Variants in STRA6 observed in about 807,000 individuals in gnomAD.
The protein encoded by STRA6 is receptor for retinol uptake STRA6.
In STRA6, 48 loss-of-function variants were observed where a neutral mutation model predicts 83.6. The ratio of observed to expected loss-of-function variants is 0.57; its 90% CI spans 0.46 to 0.73. The LOEUF is 0.73. Among genes scored for constraint, STRA6 ranks in the 30% least tolerant of loss-of-function variants. STRA6 has a pLI of 0.00. For missense variants in STRA6, 760 were observed against 838.8 expected, an observed-to-expected ratio of 0.91 and a Z score of 1.16; for synonymous variants, 353 against 362.3, an observed-to-expected ratio of 0.97 and a Z score of 0.29.
chr15:74,192,751 A>T (rs1355238873), intron 8 of STRA6, among the ~76,000 whole-genome samples: 1 of 152,168 alleles, frequency 6.6e-6, no homozygotes. Context: ...TCTATGTCTT[A>T]AGACTTTCTC....
At position 74,202,718 on chromosome 15, in the gene STRA6, G is replaced by A. The variant is rs1003009992; in HGVS notation, c.-21C>T. 2 of 1,256,812 alleles carry A rather than the reference G, an allele frequency of 1.6e-6. No individual in the cohort carries two copies. Among genetic ancestry groups the A allele is most frequent in the Admixed American group, 3.9e-5 (1 of 25,892 alleles). The allele number at this position is 1,256,812 out of a possible 1,614,324, so 77.9% of individuals were successfully genotyped here. On this transcript the variant is annotated 5_prime_UTR_variant, in exon 1 of 19. Coordinates refer to ENST00000395105, the MANE Select transcript of STRA6 (RefSeq NM_022369.4). ...AGACAGACCCACAGACACACCAGAA[G>A]GGAGGCCCAGGGAGGAAGGAGTTGC...
intron 2 of STRA6, among the ~76,000 whole-genome samples, chr15:74,199,481 C>G (rs942903510): frequency 6.6e-6 from 1 of 152,184 alleles, no homozygotes; most frequent in African/African-American, 2.4e-5. Flanking sequence ...AGCCCTCCCT[C>G]TCAGCCGGCA....
chr15:74,197,866 G>C, intron 2 of STRA6, 48 bp from the exon 3 acceptor site: 1 of 1,599,104 alleles, frequency 6.3e-7, no homozygotes, highest in South Asian at 1.1e-5. Flanking sequence ...GGCCCCCCTG[G>C]GTGTGCAGAT....
In STRA6 at chr15:74,180,909, C is replaced by G; in HGVS notation, c.1713G>C (p.Lys571Asn). The change falls in exon 18 of 19, where the codon AAG becomes AAC. Residue 571 changes from lysine (K) to asparagine (N), a missense_variant. Physicochemically the swap from Lys to Asn is moderately conservative, Grantham distance 94 (BLOSUM62 0). Coordinates refer to ENST00000395105, the MANE Select transcript of STRA6 (RefSeq NM_022369.4). ...PGYYTYRNFL[K>N]IEVSQSHPAM... The stretch of plus-strand genomic sequence containing the variant: ...CTGGATGCGACTGGCTGACTTCAAT[C>G]TTCAAGAAGTTTCGGTACGTGTAGT... 1.9e-6 allele frequency: 3 copies of G among 1,614,032 alleles called. No homozygotes were observed. Among genetic ancestry groups the G allele is most frequent in the Non-Finnish European group, 2.5e-6 (3 of 1,179,996 alleles).
chr15:74,208,847 T>TA, exon 1 of STRA6: 1 of 988,760 alleles, frequency 1.0e-6, no homozygotes, highest in Non-Finnish European at 1.2e-6. Flanking sequence ...TCTCTTTCCT[T>TA]TCCTTTATTG....
Position 74,193,786 on chromosome 15 carries a change from G to A in STRA6, c.720+14C>T, listed in dbSNP as rs1340377636. On this transcript the variant is annotated intron_variant, in intron 8 of 18. Transcript: ENST00000395105. ...GGTGCTGAGGAAGAGCTCATCCCAGGCCTGCCCCTTTACCTTGGAGCCTGC... is the reference window on the plus strand; with the variant it reads ...GGTGCTGAGGAAGAGCTCATCCCAGACCTGCCCCTTTACCTTGGAGCCTGC... 1 of 1,613,146 alleles carries A rather than the reference G, an allele frequency of 6.2e-7. No homozygotes were observed. Among genetic ancestry groups the A allele is most frequent in the Non-Finnish European group, 8.5e-7 (1 of 1,179,372 alleles).
chr15:74,191,104 C>T (rs771810682), intron 10 of STRA6, 63 bp downstream of exon 10: 1 of 1,596,712 alleles, frequency 6.3e-7, no homozygotes. Flanking sequence ...TCCACTGCAG[C>T]CATTCTGTGC....
chr15:74,204,647 C>T (rs571192007), upstream of STRA6, among the ~76,000 whole-genome samples: 57 of 152,304 alleles, frequency 3.7e-4, no homozygotes, highest in African/African-American at 1.4e-3. Context: ...AAACCATGCC[C>T]TTTGGCCAGG....
At chr15:74,206,330 C>G (rs1276208897), upstream of STRA6, among the ~76,000 whole-genome samples, 2 of 152,200 alleles carry the variant, frequency 1.3e-5, no homozygotes, top group Non-Finnish European at 2.9e-5. Flanking sequence ...GAGCCCACTT[C>G]TTGAGCCCAA....
chr15:74,195,821 T>C, intron 5 of STRA6, 146 bp from the exon 6 acceptor site: 2 of 970,572 alleles, frequency 2.1e-6, no homozygotes, highest in Non-Finnish European at 3.1e-6. Flanking sequence ...ATGGGGCTAA[T>C]ATGCATACTT....
At position 74,180,918 on chromosome 15, in the gene STRA6, G is replaced by A. The variant is rs762071615; in HGVS notation, c.1704C>T (p.Asn568=). Residue 568 remains asparagine, a synonymous_variant, in exon 18 of 19, where the codon AAC becomes AAT. Transcript: ENST00000395105. ...ACTGGCTGACTTCAATCTTCAAGAA[G>A]TTTCGGTACGTGTAGTAGCCTGGGG... is the stretch of plus-strand genomic sequence containing the variant. ...TLDPGYYTYR[N]FLKIEVSQSH... is the part of the protein sequence containing the mutation. 6.2e-7 allele frequency: 1 copy of A among 1,613,990 alleles called. No homozygotes were observed. Among genetic ancestry groups the A allele is most frequent in the African/African-American group, 1.3e-5 (1 of 75,016 alleles).
rs770518154 is a variant in STRA6 at position 74,190,818 on chromosome 15, CA to C, written c.927+21del. On this transcript the variant is annotated intron_variant, in intron 11 of 18. Transcript: ENST00000395105. ...AGGGCAGGGCTCCAGAGGCAGATGGCAGTACAGGGTGAGGGACATACCTGGT... is the reference window on the plus strand; with the variant it reads ...AGGGCAGGGCTCCAGAGGCAGATGGCGTACAGGGTGAGGGACATACCTGGT... 81 of 1,613,768 alleles carry C rather than the reference CA, an allele frequency of 5.0e-5. 1 individual carries two copies. Among genetic ancestry groups the C allele is most frequent in the Middle Eastern group, 1.7e-4 (1 of 6,060 alleles).
chr15:74,203,021 C>G, upstream of STRA6: 1 of 986,096 alleles, frequency 1.0e-6, no homozygotes, highest in Non-Finnish European at 1.2e-6. Flanking sequence ...AGCGCCTGCC[C>G]CAGAGCTCCC....
At position 74,179,975 on chromosome 15, in the gene STRA6, C is replaced by A; in HGVS notation, c.*105G>T. The A allele has an allele frequency of 6.8e-7, 1 of 1,474,566 alleles. No homozygotes were observed. The highest frequency in any genetic ancestry group is 9.3e-7 in the Non-Finnish European group (1 of 1,074,800). The allele number at this position is 1,474,566 out of a possible 1,614,324, so 91.3% of individuals were successfully genotyped here. ...CACAGTGATCCGGAGGACCTGCTGG[C>A]TGCATGGCTGGTGTGATGCTGGGAG... is the stretch of plus-strand genomic sequence containing the variant. On this transcript the variant is annotated 3_prime_UTR_variant, in exon 19 of 19. Transcript: ENST00000395105.
chr15:74,195,349 G>C lies in STRA6; in HGVS notation c.550C>G (p.Leu184Val). Residue 184 changes from leucine to valine, a missense_variant, in exon 7 of 19, where the codon CTT (leucine) becomes GTT (valine). Coordinates refer to ENST00000395105, the MANE Select transcript of STRA6 (RefSeq NM_022369.4). Reference sequence around the variant, plus strand: ...GCCCTCTGCCAGACCTGGACCCCAAGGTGGGCCCAGGACAGCGTGCTGCCG... The same window carrying C: ...GCCCTCTGCCAGACCTGGACCCCAACGTGGGCCCAGGACAGCGTGCTGCCG... ...LLGSTLSWAH[L>V]GVQVWQRAEC... is the part of the protein sequence containing the mutation. The C allele has an allele frequency of 6.2e-7, 1 of 1,613,528 alleles. No homozygotes were observed.
At chr15:74,203,652 G>A, upstream of STRA6, among the ~76,000 whole-genome samples, 1 of 152,212 alleles carries the variant, frequency 6.6e-6, no homozygotes, top group East Asian at 1.9e-4. Context: ...CACACACTAT[G>A]TGCCAGCACT....
rs1425986984 is a variant in STRA6, at chr15:74,208,012, TG to T, written c.-16+787del. ...GAAGCACCATCTGATGTGCCCTTCC[TG>T]CAATTCTCATGCCCCCCTCACCAAC... On this transcript the variant is annotated intron_variant, in intron 1 of 18. Coordinates refer to the STRA6 transcript ENST00000323940. 3 of 1,384,888 alleles carry T rather than the reference TG, an allele frequency of 2.2e-6. No individual in the cohort carries two copies. The African/African-American group carries it at 4.4e-5, about 20-fold the overall frequency. The allele number at this position is 1,384,888 out of a possible 1,614,324, so 85.8% of individuals were successfully genotyped here.
chr15:74,198,391 G>T (rs2073918144), intron 2 of STRA6, among the ~76,000 whole-genome samples: 1 of 152,188 alleles, frequency 6.6e-6, no homozygotes. Flanking sequence ...GATTACAGGT[G>T]TGAGCCACTG....
intron 7 of STRA6, chr15:74,194,815 T>TGTAGCATCA: frequency 7.6e-7 from 1 of 1,311,144 alleles, no homozygotes; most frequent in South Asian, 2.9e-5. Context: ...GTACCATCAC[T>TGTAGCATCA]CTTTGAGTTC....
Sources: allele counts gnomAD v4.1 joint callset (sites outside exome capture counted in the v4.1 genomes callset), GRCh38; gene constraint gnomAD v4.1.1; transcripts MANE v1.5; gene names NCBI Gene and HGNC (gene_info 2026-07-23, HGNC 2026-07-21).